BANK1: variants seen among roughly 807,000 people sequenced by gnomAD.
BANK1 encodes B-cell scaffold protein with ankyrin repeats.
In BANK1, 95 loss-of-function variants were observed where a neutral mutation model predicts 94.5. That is an observed-to-expected ratio of 1.00 (90% CI 0.85 to 1.19). The LOEUF is 1.19. BANK1 is among the 50% of genes most tolerant of loss of function. The pLI is 0.00. For synonymous variants in BANK1, 334 were observed against 308.4 expected (o/e 1.08, Z -0.87); for missense variants, 987 against 932.2 (o/e 1.06, Z -0.77).
At chr4:101,936,406 C>CATGTATACATGCATGTATATATGTGT (rs1236401659) in intron 7 of BANK1, among the ~76,000 whole-genome samples, 4 of 149,310 alleles carry the variant, frequency 2.7e-5, no homozygotes, top group Non-Finnish European at 4.5e-5. Flanking sequence ...TATATATGTG[C>CATGTATACATGCATGTATATATGTGT]GTATGCATGT....
Position 101,812,246 on chromosome 4 carries a change from T to G in BANK1, c.71-17562T>G, listed in dbSNP as rs1725753189. On this transcript the variant is annotated intron_variant, in intron 1 of 16. Coordinates refer to ENST00000322953, the MANE Select transcript of BANK1 (RefSeq NM_017935.5). ...TAGTAAGAAGTTCCAAAGAATAAAC[T>G]GTATCTTTAATTATATATATTTTTA... Among the ~76,000 whole-genome samples, 3 of 151,940 alleles carry G rather than the reference T, an allele frequency of 2.0e-5. No homozygotes were observed. In the South Asian group the frequency reaches 6.2e-4, roughly 32 times the overall value.
At chr4:101,927,264 T>G (rs181198480) in intron 7 of BANK1, among the ~76,000 whole-genome samples, 1 of 151,640 alleles carries the variant, frequency 6.6e-6, no homozygotes, top group Non-Finnish European at 1.5e-5. Context: ...TCAGATCTTA[T>G]GAGAACTCAT....
chr4:101,827,454 C>A (rs906470484), intron 1 of BANK1, among the ~76,000 whole-genome samples: 24 of 151,832 alleles, frequency 1.6e-4, no homozygotes, highest in African/African-American at 5.8e-4. Context: ...GGATTAAATT[C>A]TATTAAAGAT....
intron 7 of BANK1, among the ~76,000 whole-genome samples, chr4:101,965,206 T>A (rs1278872000): frequency 1.3e-5 from 2 of 151,848 alleles, no homozygotes; most frequent in Admixed American, 1.3e-4. Flanking sequence ...TCCCTCTACC[T>A]TTTGATCTGC....
intron 7 of BANK1, among the ~76,000 whole-genome samples, chr4:102,010,100 CT>C (rs1726441590): frequency 1.5e-5 from 2 of 131,634 alleles, no homozygotes; most frequent in Non-Finnish European, 3.6e-5. Flanking sequence ...CCCGTCTCTA[CT>C]AAAAATACAA....
rs57958410 is a variant in BANK1, at chr4:102,007,435, G to A, written c.1207-14079G>A. On this transcript the variant is annotated intron_variant, in intron 7 of 16. Transcript: ENST00000322953. Reference sequence around the variant, plus strand: ...TGCTAAAAGTTTAAATTCTTTGGCCGTTTTTGAAATGTTGGCTAAAAATTC... The same window carrying A: ...TGCTAAAAGTTTAAATTCTTTGGCCATTTTTGAAATGTTGGCTAAAAATTC... Among the ~76,000 whole-genome samples the A allele has an allele frequency of 9.2e-4, 139 of 151,590 alleles. 1 individual carries two copies. Among genetic ancestry groups the A allele is most frequent in the African/African-American group, 3.1e-3 (129 of 41,392 alleles).
At chr4:101,877,013 G>GA (rs200910512) in intron 5 of BANK1, among the ~76,000 whole-genome samples, 51 of 138,848 alleles carry the variant, frequency 3.7e-4, no homozygotes, top group Middle Eastern at 3.8e-3. Flanking sequence ...AGGAGAAAAA[G>GA]AAAAAAAAAA....
chr4:101,946,922 T>C (rs1723948649), intron 7 of BANK1, among the ~76,000 whole-genome samples: 1 of 152,026 alleles, frequency 6.6e-6, no homozygotes, highest in Admixed American at 6.6e-5. Flanking sequence ...TGTAAAGCAA[T>C]GCATTTTCTT....
At chr4:101,915,502 A>G (rs1206406991) in intron 6 of BANK1, among the ~76,000 whole-genome samples, 1 of 152,152 alleles carries the variant, frequency 6.6e-6, no homozygotes, top group African/African-American at 2.4e-5. Flanking sequence ...AAAACATTTG[A>G]AAGACAGAGT....
intron 2 of BANK1, among the ~76,000 whole-genome samples, chr4:101,834,366 T>G (rs2148865137): frequency 6.6e-6 from 1 of 152,292 alleles, no homozygotes; most frequent in Non-Finnish European, 1.5e-5. Flanking sequence ...AACCATCTTA[T>G]TTGGAAAAGG....
Position 102,021,531 on chromosome 4 carries a change from A to G in BANK1, c.1224A>G (p.Ile408Met), listed in dbSNP as rs764692819. 17 of 1,460,254 alleles carry G rather than the reference A, an allele frequency of 1.2e-5. No individual in the cohort carries two copies. Among genetic ancestry groups the G allele is most frequent in the Non-Finnish European group, 1.6e-5 (17 of 1,081,740 alleles). 90.5% of individuals were successfully genotyped at this position (1,460,254 alleles called of 1,614,324 possible). A position where few individuals can be genotyped will look rare whatever the true frequency, so the allele number is the denominator to read the frequency against. The change falls in exon 8 of 17, where the codon ATA becomes ATG. Residue 408 changes from isoleucine (I) to methionine (M), a missense_variant. Ile to Met is a conservative substitution (Grantham distance 10). Transcript: ENST00000322953. ...TTTTTCAGATCCAAGAAATTGACAT[A>G]AATAATGAGCAAGAAAATGATTATG... ...FEDFSIQEID[I>M]NNEQENDYEE...
intron 4 of BANK1, among the ~76,000 whole-genome samples, chr4:101,863,960 T>G (rs1727976352): frequency 6.6e-6 from 1 of 152,086 alleles, no homozygotes; most frequent in Non-Finnish European, 1.5e-5. Context: ...ACTTAAGAAT[T>G]TTTGCTCAGT....
At chr4:101,806,971 T>A (rs890960654) in intron 1 of BANK1, among the ~76,000 whole-genome samples, 3 of 152,210 alleles carry the variant, frequency 2.0e-5, no homozygotes, top group African/African-American at 7.2e-5. Flanking sequence ...TCAAATACCC[T>A]AAGTTCACAA....
At chr4:102,032,068 G>T (rs1727338396) in intron 10 of BANK1, 1 of 152,158 alleles carries the variant, frequency 6.6e-6, no homozygotes, top group African/African-American at 2.4e-5. Context: ...TTCTCAGGTT[G>T]TCTCTCATAG....
Position 101,830,087 on chromosome 4 carries a change from G to T in BANK1, c.350G>T (p.Gly117Val). The T allele has an allele frequency of 1.2e-6, 2 of 1,613,882 alleles. No individual in the cohort carries two copies. Among genetic ancestry groups the T allele is most frequent in the Non-Finnish European group, 1.7e-6 (2 of 1,179,904 alleles). ...AAAAGTGTAGTTACTTTGCTTTGTGGAGTGAAGAGTTCAGATCAGCTCTAT... is the reference window on the plus strand; with the variant it reads ...AAAAGTGTAGTTACTTTGCTTTGTGTAGTGAAGAGTTCAGATCAGCTCTAT... The part of the protein sequence containing the change: ...SPKSVVTLLC[G>V]VKSSDQLYEL... The change falls in exon 2 of 17, where the codon GGA becomes GTA. Residue 117 changes from glycine (G) to valine (V), a missense_variant. Coordinates refer to ENST00000322953, the MANE Select transcript of BANK1 (RefSeq NM_017935.5).
rs1455527688 is a variant in BANK1, at chr4:101,895,327, G to A, written c.926G>A (p.Gly309Asp). Reference sequence around the variant, plus strand: ...CAGAATAGCATTGAAGAACTTGATGGTGTCCTTACATCCATATTCAAACAT... The same window carrying A: ...CAGAATAGCATTGAAGAACTTGATGATGTCCTTACATCCATATTCAAACAT... Reference protein sequence around the residue: ...LCQNSIEELDGVLTSIFKHEI... With the variant: ...LCQNSIEELDDVLTSIFKHEI... The change falls in exon 6 of 17, where the codon GGT (glycine) becomes GAT (aspartate). Residue 309 changes from glycine to aspartate, a missense_variant. By Grantham distance (94) the Gly-to-Asp change is moderately conservative. Coordinates refer to ENST00000322953, the MANE Select transcript of BANK1 (RefSeq NM_017935.5). 2 of 1,584,854 alleles carry A rather than the reference G, an allele frequency of 1.3e-6. No individual in the cohort carries two copies. The highest frequency in any genetic ancestry group is 1.7e-6 in the Non-Finnish European group (2 of 1,165,434).
At chr4:101,955,415 G>A (rs1341844066) in intron 7 of BANK1, among the ~76,000 whole-genome samples, 1 of 151,822 alleles carries the variant, frequency 6.6e-6, no homozygotes, top group Non-Finnish European at 1.5e-5. Flanking sequence ...ATTTCCTAGT[G>A]CAGTTTAGAT....
chr4:101,839,667 C>T (rs1726957521), intron 2 of BANK1, among the ~76,000 whole-genome samples: 2 of 152,108 alleles, frequency 1.3e-5, no homozygotes, highest in African/African-American at 4.8e-5. Context: ...ATCATCCCTT[C>T]AATTCTTAAG....
In BANK1 at chr4:101,900,577, C is replaced by T. The variant is rs189934925; in HGVS notation, c.1009+5167C>T. Among the ~76,000 whole-genome samples, 147 of 152,004 alleles carry T rather than the reference C, an allele frequency of 9.7e-4. 2 individuals carry two copies. The highest frequency in any genetic ancestry group is 9.6e-3 in the Admixed American group (146 of 15,242). Reference sequence around the variant, plus strand: ...AGAGATTTGCTTGAGCTTGGTAGCTCTTTGAAAGTAAGGATTGTGGGACAT... The same window carrying T: ...AGAGATTTGCTTGAGCTTGGTAGCTTTTTGAAAGTAAGGATTGTGGGACAT... On this transcript the variant is annotated intron_variant, in intron 6 of 16. Coordinates refer to ENST00000322953, the MANE Select transcript of BANK1 (RefSeq NM_017935.5).
Sources: allele counts gnomAD v4.1 joint callset (sites outside exome capture counted in the v4.1 genomes callset), GRCh38; gene constraint gnomAD v4.1.1; transcripts MANE v1.5; gene names NCBI Gene and HGNC (gene_info 2026-07-23, HGNC 2026-07-21).